ZNF174: variants seen among roughly 807,000 people sequenced by gnomAD.
ZNF174 encodes zinc finger protein 174, also known as AW-1.
Under a neutral mutation model 38.7 loss-of-function variants are expected in ZNF174, and 30 were observed. The observed-to-expected ratio is 0.78, with a 90% CI of 0.58 to 1.05. The LOEUF (loss-of-function observed/expected upper bound fraction) is 1.05, where lower values mean the gene tolerates loss of function less well. Ranked by LOEUF, ZNF174 falls within the 50% of genes least tolerant of loss-of-function variation. The probability of loss-of-function intolerance (pLI) is 0.00; values close to 1 mark genes in which losing one functional copy is unlikely to be tolerated. For synonymous variants in ZNF174, 201 were observed against 181.7 expected (o/e 1.11, Z -0.86); for missense variants, 499 against 495.6 (o/e 1.01, Z -0.06).
intron 1 of ZNF174, 24 bp downstream of exon 1, chr16:3,402,430 T>G: frequency 6.4e-7 from 1 of 1,555,700 alleles, no homozygotes; most frequent in Non-Finnish European, 8.6e-7. Flanking sequence ...TCTCCCATCA[T>G]CCTGGGGATT....
chr16:3,404,164 T>C (rs919824598), intron 1 of ZNF174, among the ~76,000 whole-genome samples: 1 of 152,152 alleles, frequency 6.6e-6, no homozygotes, highest in East Asian at 1.9e-4. Flanking sequence ...TGCCAGCAAC[T>C]ACCCTGATGA....
chr16:3,408,122 C>T (rs2034079100), intron 2 of ZNF174, among the ~76,000 whole-genome samples, 199 bp from the exon 3 acceptor site: 1 of 151,920 alleles, frequency 6.6e-6, no homozygotes. Flanking sequence ...ATTATCAGGC[C>T]CAACCCCCCG....
intron 1 of ZNF174, among the ~76,000 whole-genome samples, chr16:3,403,148 G>GTTTTTTTTTT (rs1567340030): frequency 1.7e-5 from 1 of 57,678 alleles, no homozygotes; most frequent in African/African-American, 7.5e-5. Flanking sequence ...TTAGCTTATA[G>GTTTTTTTTTT]TCTTTTTTTT....
chr16:3,404,340 A>G (rs770498615), intron 1 of ZNF174, 86 bp from the exon 2 acceptor site: 30 of 1,365,326 alleles, frequency 2.2e-5, no homozygotes, highest in Non-Finnish European at 2.9e-5. Context: ...GCAATTCCCA[A>G]GGTAAACGGG....
intron 2 of ZNF174, chr16:3,405,065 T>A: frequency 6.4e-7 from 1 of 1,567,022 alleles, no homozygotes; most frequent in East Asian, 2.3e-5. Flanking sequence ...TCCTCTGTGA[T>A]GTTGCTTGTA....
intron 2 of ZNF174, 74 bp from the exon 3 acceptor site, chr16:3,408,247 A>T (rs1252059059): frequency 7.0e-7 from 1 of 1,434,966 alleles, no homozygotes; most frequent in Non-Finnish European, 9.4e-7. Flanking sequence ...GAAACCTCTC[A>T]GAGTATTTCA....
intron 1 of ZNF174, among the ~76,000 whole-genome samples, chr16:3,402,843 G>C (rs1382772596): frequency 6.6e-6 from 1 of 152,130 alleles, no homozygotes; most frequent in Non-Finnish European, 1.5e-5. Flanking sequence ...TTCAGAAGTT[G>C]CTTCCAGCCT....
At chr16:3,402,969 C>T (rs2150922750) in intron 1 of ZNF174, among the ~76,000 whole-genome samples, 1 of 152,138 alleles carries the variant, frequency 6.6e-6, no homozygotes, top group African/African-American at 2.4e-5. Flanking sequence ...CCTTGTGTCA[C>T]CAGAAGTAAT....
At chr16:3,406,389 C>T (rs1326159365) in intron 2 of ZNF174, among the ~76,000 whole-genome samples, 1 of 152,224 alleles carries the variant, frequency 6.6e-6, no homozygotes, top group Non-Finnish European at 1.5e-5. Flanking sequence ...TCCAAAGCAG[C>T]TACACCATTT....
At chr16:3,407,050 G>C (rs890050361) in intron 2 of ZNF174, among the ~76,000 whole-genome samples, 4 of 152,176 alleles carry the variant, frequency 2.6e-5, no homozygotes, top group Non-Finnish European at 5.9e-5. Context: ...CCTTAGACTA[G>C]GTAATTTATA....
rs1480763046 is a variant in ZNF174, at chr16:3,404,498, C to T, written c.475C>T (p.Pro159Ser). 1.2e-6 allele frequency: 2 copies of T among 1,613,640 alleles called. No homozygotes were observed. The highest frequency in any genetic ancestry group is 1.7e-6 in the Non-Finnish European group (2 of 1,179,552). ...TGSQLGEQEL[P>S]DFQPQTPRRD... is the part of the protein sequence containing the mutation. ...ATCTCAGCTTGGAGAACAGGAACTG[C>T]CAGACTTTCAACCGCAGACTCCTAG... Residue 159 changes from proline to serine, a missense_variant, in exon 2 of 3, where the codon CCA (proline) becomes TCA (serine). Pro to Ser is a moderately conservative substitution (Grantham distance 74). Transcript: ENST00000268655.
At chr16:3,403,252 C>G (rs190852147) in intron 1 of ZNF174, among the ~76,000 whole-genome samples, 2 of 142,800 alleles carry the variant, frequency 1.4e-5, no homozygotes, top group Admixed American at 1.4e-4. Flanking sequence ...CCACTGCAAC[C>G]TCTGCACCCC....
chr16:3,402,517 G>T lies in ZNF174; in HGVS notation c.402+111G>T, dbSNP rs2033954852. 20 of 1,123,498 alleles carry T rather than the reference G, an allele frequency of 1.8e-5. No homozygotes were observed. In the South Asian group the frequency reaches 3.1e-4, roughly 17 times the overall value. The allele number at this position is 1,123,498 out of a possible 1,614,324, so 69.6% of individuals were successfully genotyped here. A position where few individuals can be genotyped will look rare whatever the true frequency, so the allele number is the denominator to read the frequency against. On this transcript the variant is annotated intron_variant, in intron 1 of 2. Coordinates refer to ENST00000268655, the MANE Select transcript of ZNF174 (RefSeq NM_003450.3). Reference sequence around the variant, plus strand: ...TCTTTCGCCCAGGCCCGAGTGCAGTGGCGCTATCTCGGCTCACTGCAAGCT... The same window carrying T: ...TCTTTCGCCCAGGCCCGAGTGCAGTTGCGCTATCTCGGCTCACTGCAAGCT...
rs2034092971 is a variant in ZNF174 at position 3,409,046 on chromosome 16, G to GCA, written c.*130_*131dup. 11 of 1,066,668 alleles carry GCA rather than the reference G, an allele frequency of 1.0e-5. No individual in the cohort carries two copies. Among genetic ancestry groups the GCA allele is most frequent in the Non-Finnish European group, 1.5e-5 (11 of 739,374 alleles). 66.1% of individuals were successfully genotyped at this position (1,066,668 alleles called of 1,614,324 possible). ...CACGAGGCCCTTGAGGAATGATGAT[G>GCA]CACATTCTGCTGTGAGGAGGCCCAG... On this transcript the variant is annotated 3_prime_UTR_variant, in exon 3 of 3. Transcript: ENST00000268655.
rs777393228 is a variant in ZNF174, at chr16:3,409,182, TGA to T, written c.*270_*271del. The T allele has an allele frequency of 6.6e-6, 3 of 456,436 alleles. No homozygotes were observed. The highest frequency in any genetic ancestry group is 3.9e-5 in the African/African-American group (2 of 51,642). The allele number at this position is 456,436 out of a possible 1,614,324, so 28.3% of individuals were successfully genotyped here. On this transcript the variant is annotated 3_prime_UTR_variant, in exon 3 of 3. Coordinates refer to ENST00000268655, the MANE Select transcript of ZNF174 (RefSeq NM_003450.3). ...TCTGCAGAGAGCAAGGAGTAACTACTGAGAGAGAATCAGGACAATCCTGCAGG... is the reference window on the plus strand; with the variant it reads ...TCTGCAGAGAGCAAGGAGTAACTACTGAGAGAATCAGGACAATCCTGCAGG...
At position 3,409,043 on chromosome 16, in the gene ZNF174, G is replaced by A. The variant is rs569651574; in HGVS notation, c.*124G>A. The A allele has an allele frequency of 1.4e-4, 154 of 1,086,968 alleles. 1 individual carries two copies. Among genetic ancestry groups the A allele is most frequent in the Middle Eastern group, 8.8e-4 (3 of 3,394 alleles). The allele number at this position is 1,086,968 out of a possible 1,614,324, so 67.3% of individuals were successfully genotyped here. On this transcript the variant is annotated 3_prime_UTR_variant, in exon 3 of 3. Coordinates refer to ENST00000268655, the MANE Select transcript of ZNF174 (RefSeq NM_003450.3). ...AAGCACGAGGCCCTTGAGGAATGATGATGCACATTCTGCTGTGAGGAGGCC... is the reference window on the plus strand; with the variant it reads ...AAGCACGAGGCCCTTGAGGAATGATAATGCACATTCTGCTGTGAGGAGGCC...
At position 3,402,425 on chromosome 16, in the gene ZNF174, C is replaced by T. The variant is rs751652675; in HGVS notation, c.402+19C>T. 7 of 1,574,360 alleles carry T rather than the reference C, an allele frequency of 4.4e-6. No homozygotes were observed. The highest frequency in any genetic ancestry group is 2.2e-5 in the East Asian group (1 of 44,464). The stretch of plus-strand genomic sequence containing the variant: ...GCAGTGGGTAAGGAGGGTCCTCTCC[C>T]ATCATCCTGGGGATTTCTTTTTCTT... On this transcript the variant is annotated intron_variant, in intron 1 of 2. Coordinates refer to ENST00000268655, the MANE Select transcript of ZNF174 (RefSeq NM_003450.3).
chr16:3,403,171 TTTTTTTTTTTTTTTTTG>T (rs1195477483), intron 1 of ZNF174, among the ~76,000 whole-genome samples: 3 of 115,944 alleles, frequency 2.6e-5, no homozygotes, highest in African/African-American at 1.0e-4. Context: ...TTTTTTTTTT[TTTTTTTTTTTTTTTTTG>T]AGATGGAGTC....
chr16:3,405,032 C>T, intron 2 of ZNF174: 1 of 1,598,778 alleles, frequency 6.3e-7, no homozygotes, highest in Non-Finnish European at 8.5e-7. Context: ...TAAAAACCCA[C>T]CCTATATCTT....
Sources: allele counts gnomAD v4.1 joint callset (sites outside exome capture counted in the v4.1 genomes callset), GRCh38; gene constraint gnomAD v4.1.1; transcripts MANE v1.5; gene names NCBI Gene and HGNC (gene_info 2026-07-23, HGNC 2026-07-21).